DCSTAMP: variants seen among roughly 807,000 people sequenced by gnomAD.
The protein encoded by DCSTAMP is dendrocyte expressed seven transmembrane protein.
Under a neutral mutation model 33.8 loss-of-function variants are expected in DCSTAMP, and 25 were observed. The observed-to-expected ratio is 0.74, with a 90% CI of 0.54 to 1.03. The LOEUF (loss-of-function observed/expected upper bound fraction) is 1.03. DCSTAMP is among the 50% of genes least tolerant of loss of function. The pLI, the probability that DCSTAMP is intolerant of heterozygous loss-of-function variation, is 0.00. For synonymous variants in DCSTAMP, 245 were observed against 216.7 expected (o/e 1.13, Z -1.15); for missense variants, 531 against 556.8 (o/e 0.95, Z 0.47).
At chr8:104,349,881 A>G (rs1382622737) in intron 2 of DCSTAMP, among the ~76,000 whole-genome samples, 1 of 152,174 alleles carries the variant, frequency 6.6e-6, no homozygotes, top group Admixed American at 6.5e-5. Context: ...AGAAGTATGA[A>G]GTGAGTGTCG....
chr8:104,348,735 C>A lies in DCSTAMP; in HGVS notation c.183C>A (p.Ala61=). Residue 61 remains alanine, a synonymous_variant, in exon 2 of 4, where the codon GCC becomes GCA. Coordinates refer to ENST00000297581, the MANE Select transcript of DCSTAMP (RefSeq NM_030788.4). ...ACWFLPSIIA[A]AASWIITCVL... Reference sequence around the variant, plus strand: ...GGTTTCTGCCATCAATCATAGCGGCCGCTGCCTCCTGGATTATCACGTGTG... The same window carrying A: ...GGTTTCTGCCATCAATCATAGCGGCAGCTGCCTCCTGGATTATCACGTGTG... The A allele has an allele frequency of 6.2e-7, 1 of 1,614,104 alleles. No individual in the cohort carries two copies. Among genetic ancestry groups the A allele is most frequent in the African/African-American group, 1.3e-5 (1 of 75,012 alleles).
At chr8:104,347,626 C>T (rs560392042) in intron 1 of DCSTAMP, among the ~76,000 whole-genome samples, 39 of 152,318 alleles carry the variant, frequency 2.6e-4, no homozygotes, top group Non-Finnish European at 4.1e-4. Context: ...CTGTGGTCAG[C>T]CGGTGGGCCG....
chr8:104,356,406 T>C lies in DCSTAMP; in HGVS notation c.*208T>C. On this transcript the variant is annotated 3_prime_UTR_variant, in exon 4 of 4. Transcript: ENST00000297581. Reference sequence around the variant, plus strand: ...CAGGTAAATGGTTATGTGGTCTATGTTCCAAACAAACCACATGATCTTGCC... The same window carrying C: ...CAGGTAAATGGTTATGTGGTCTATGCTCCAAACAAACCACATGATCTTGCC... 3 of 403,376 alleles carry C rather than the reference T, an allele frequency of 7.4e-6. No homozygotes were observed. The South Asian group carries it at 1.4e-4, about 19-fold the overall frequency. The allele number at this position is 403,376 out of a possible 1,614,324, so 25.0% of individuals were successfully genotyped here. A position where few individuals can be genotyped will look rare whatever the true frequency, so the allele number is the denominator to read the frequency against.
Position 104,349,173 on chromosome 8 carries a change from G to A in DCSTAMP, c.621G>A (p.Leu207=), listed in dbSNP as rs759216839. ...AGATGGCAACAACCACAGAGGTGTT[G>A]TCCTCCCTGGGTCAGAAGCTACTTG... is the stretch of plus-strand genomic sequence containing the variant. ...LYQMATTTEV[L]SSLGQKLLAF... The change falls in exon 2 of 4, where the codon TTG becomes TTA. Residue 207 remains leucine (L), a synonymous_variant. Coordinates refer to ENST00000297581, the MANE Select transcript of DCSTAMP (RefSeq NM_030788.4). The A allele has an allele frequency of 1.9e-6, 3 of 1,614,214 alleles. No individual in the cohort carries two copies. The East Asian group carries it at 6.7e-5, about 36-fold the overall frequency.
intron 1 of DCSTAMP, among the ~76,000 whole-genome samples, chr8:104,343,705 G>C (rs1245659530): frequency 6.6e-6 from 1 of 152,198 alleles, no homozygotes; most frequent in Non-Finnish European, 1.5e-5. Context: ...TGATTTCTGG[G>C]TGCCATGTTG....
In DCSTAMP at chr8:104,354,884, G is replaced by A; in HGVS notation, c.1037G>A (p.Gly346Glu). ...VHLKLHGEKQ[G>E]TQDIIHDSSF... ...TTTATTCTTTCATTTTAGAAACAAG[G>A]AACTCAAGATATTATCCATGATTCT... The change falls in exon 3 of 4, where the codon GGA becomes GAA. Residue 346 changes from glycine (G) to glutamate (E), a missense_variant. By Grantham distance (98) the Gly-to-Glu change is moderately conservative. Coordinates refer to ENST00000297581, the MANE Select transcript of DCSTAMP (RefSeq NM_030788.4). 1 of 1,582,588 alleles carries A rather than the reference G, an allele frequency of 6.3e-7. No individual in the cohort carries two copies. Among genetic ancestry groups the A allele is most frequent in the Non-Finnish European group, 8.6e-7 (1 of 1,159,498 alleles).
At chr8:104,344,538 G>C (rs1810244733) in intron 1 of DCSTAMP, among the ~76,000 whole-genome samples, 1 of 152,076 alleles carries the variant, frequency 6.6e-6, no homozygotes, top group Non-Finnish European at 1.5e-5. Context: ...GTCTTCACGA[G>C]AGCAGCTTCA....
At position 104,349,511 on chromosome 8, in the gene DCSTAMP, T is replaced by C; in HGVS notation, c.959T>C (p.Leu320Pro). The C allele has an allele frequency of 6.2e-7, 1 of 1,614,126 alleles. No homozygotes were observed. The highest frequency in any genetic ancestry group is 8.5e-7 in the Non-Finnish European group (1 of 1,180,028). The change falls in exon 2 of 4, where the codon CTC becomes CCC. Residue 320 changes from leucine to proline, a missense_variant. Coordinates refer to ENST00000297581, the MANE Select transcript of DCSTAMP (RefSeq NM_030788.4). The part of the protein sequence containing the change: ...FAAVDYLLYR[L>P]IFSVSKQFQS... ...GCTGTAGATTATCTGCTGTATCGGC[T>C]CATTTTCTCAGTGAGCAAGCAGTTT...
rs1485109310 is a variant in DCSTAMP, at chr8:104,348,918, A to G, written c.366A>G (p.Leu122=). ...TTTTTCACAACTTTAAAGGTCTCCT[A>G]GATGGTATGACTTGCAACCTAAGGG... ...ENIFHNFKGL[L]DGMTCNLRAK... is the part of the protein sequence containing the mutation. The change falls in exon 2 of 4, where the codon CTA becomes CTG. Residue 122 remains leucine, a synonymous_variant. Coordinates refer to ENST00000297581, the MANE Select transcript of DCSTAMP (RefSeq NM_030788.4). 6.2e-7 allele frequency: 1 copy of G among 1,614,274 alleles called. No individual in the cohort carries two copies. The highest frequency in any genetic ancestry group is 1.7e-5 in the Admixed American group (1 of 60,030).
intron 1 of DCSTAMP, among the ~76,000 whole-genome samples, chr8:104,343,630 A>G (rs1191452853): frequency 1.3e-5 from 2 of 152,244 alleles, no homozygotes; most frequent in Admixed American, 1.3e-4. Flanking sequence ...AGGAAAATGT[A>G]ACTGCCTCAC....
chr8:104,355,029 C>A lies in DCSTAMP; in HGVS notation c.1182C>A (p.Ser394=), dbSNP rs888913725. ...TATTAGTGATGCTGGGACTGTTGTC[C>A]TCTATCCTTATGCAACTTAAAATCC... ...LLILVMLGLL[S]SILMQLKILV... Residue 394 remains serine, a synonymous_variant, in exon 3 of 4, where the codon TCC becomes TCA. Transcript: ENST00000297581. 9 of 1,613,988 alleles carry A rather than the reference C, an allele frequency of 5.6e-6. No individual in the cohort carries two copies. The highest frequency in any genetic ancestry group is 6.8e-6 in the Non-Finnish European group (8 of 1,180,010).
At chr8:104,352,310 A>G (rs146157303) in intron 2 of DCSTAMP, among the ~76,000 whole-genome samples, 240 of 152,284 alleles carry the variant, frequency 1.6e-3, no homozygotes, top group African/African-American at 5.3e-3. Flanking sequence ...CCCCTGAAGA[A>G]TCCCGTTAAT....
At position 104,355,186 on chromosome 8, in the gene DCSTAMP, G is replaced by C. The variant is rs1810588356; in HGVS notation, c.1338+1G>C. On this transcript the variant is annotated splice_donor_variant, in intron 3 of 3. Coordinates refer to ENST00000297581, the MANE Select transcript of DCSTAMP (RefSeq NM_030788.4). LOFTEE classifies it high-confidence loss of function. ...ACGGCTGAGTCTCTATCTTACAAAG[G>C]TAAGGCCAAGATGGTGGTGTAACCT... is the stretch of plus-strand genomic sequence containing the variant. The C allele has an allele frequency of 6.2e-7, 1 of 1,610,056 alleles. No individual in the cohort carries two copies. Among genetic ancestry groups the C allele is most frequent in the African/African-American group, 1.3e-5 (1 of 74,574 alleles).
chr8:104,348,037 T>C (rs1480036021), intron 1 of DCSTAMP, among the ~76,000 whole-genome samples: 1 of 152,160 alleles, frequency 6.6e-6, no homozygotes. Flanking sequence ...CCAGGAAATG[T>C]AGGTGGCCTC....
chr8:104,355,824 C>A (rs1387114470), intron 3 of DCSTAMP, among the ~76,000 whole-genome samples: 1 of 152,136 alleles, frequency 6.6e-6, no homozygotes, highest in Non-Finnish European at 1.5e-5. Context: ...AGATGCAAAA[C>A]TGTCTTTTTC....
At chr8:104,353,442 C>T (rs1305496661) in intron 2 of DCSTAMP, among the ~76,000 whole-genome samples, 1 of 152,220 alleles carries the variant, frequency 6.6e-6, no homozygotes, top group African/African-American at 2.4e-5. Context: ...AACTTTGTCC[C>T]AGACCGAACA....
At chr8:104,341,829 C>G (rs1026811711) in intron 1 of DCSTAMP, among the ~76,000 whole-genome samples, 3 of 152,140 alleles carry the variant, frequency 2.0e-5, no homozygotes, top group African/African-American at 7.2e-5. Flanking sequence ...GCTTCCCTGC[C>G]TGAGGTGTGG....
In DCSTAMP at chr8:104,356,221, C is replaced by CT. The variant is rs1564068792; in HGVS notation, c.*23_*24insT. The CT allele has an allele frequency of 6.2e-7, 1 of 1,602,476 alleles. No homozygotes were observed. The highest frequency in any genetic ancestry group is 1.1e-5 in the South Asian group (1 of 89,050). Reference sequence around the variant, plus strand: ...TGAGAGACCCCGACTACTCCTCAGCCACATCGCACCAACAATTCTCTTCAG... The same window carrying CT: ...TGAGAGACCCCGACTACTCCTCAGCCTACATCGCACCAACAATTCTCTTCAG... On this transcript the variant is annotated 3_prime_UTR_variant, in exon 4 of 4. Coordinates refer to ENST00000297581, the MANE Select transcript of DCSTAMP (RefSeq NM_030788.4).
chr8:104,350,490 C>G (rs1564066599), intron 2 of DCSTAMP, among the ~76,000 whole-genome samples: 1 of 152,108 alleles, frequency 6.6e-6, no homozygotes, highest in African/African-American at 2.4e-5. Context: ...CCTAAGTTAC[C>G]CAGTAAAATG....
Sources: allele counts gnomAD v4.1 joint callset (sites outside exome capture counted in the v4.1 genomes callset), GRCh38; gene constraint gnomAD v4.1.1; transcripts MANE v1.5; gene names NCBI Gene and HGNC (gene_info 2026-07-23, HGNC 2026-07-21).